The following MAST2 variants were observed in gnomAD, a reference collection of about 807,000 sequenced individuals.
MAST2 encodes microtubule-associated serine/threonine-protein kinase 2.
Under a neutral mutation model 147.4 loss-of-function variants are expected in MAST2, and 70 were observed. That is an observed-to-expected ratio of 0.47 (90% CI 0.39 to 0.58). MAST2 has a LOEUF of 0.58. Among genes scored for constraint, MAST2 ranks in the 20% least tolerant of loss-of-function variants. The pLI, the probability that MAST2 is intolerant of heterozygous loss-of-function variation, is 0.00. For missense variants in MAST2, 2,080 were observed against 2,302.3 expected, an observed-to-expected ratio of 0.90 and a Z score of 1.98; for synonymous variants, 869 against 896.8, an observed-to-expected ratio of 0.97 and a Z score of 0.55.
intron 4 of MAST2, among the ~76,000 whole-genome samples, chr1:45,918,058 C>T (rs1169114287): frequency 6.6e-6 from 1 of 152,192 alleles, no homozygotes; most frequent in South Asian, 2.1e-4. Context: ...TCCCTGTCCT[C>T]AGGGAGCTTA....
chr1:45,901,188 G>T (rs1649703273), intron 4 of MAST2, among the ~76,000 whole-genome samples: 1 of 152,164 alleles, frequency 6.6e-6, no homozygotes, highest in South Asian at 2.1e-4. Flanking sequence ...TATGGTGAGA[G>T]ATAGGGGTCC....
chr1:45,825,934 G>A (rs1428910132), intron 2 of MAST2, among the ~76,000 whole-genome samples: 16 of 151,864 alleles, frequency 1.1e-4, no homozygotes, highest in African/African-American at 3.6e-4. Flanking sequence ...AAGATTAGCC[G>A]GGCATGGTGA....
At position 45,947,306 on chromosome 1, in the gene MAST2, T is replaced by TA. The variant is rs55827908; in HGVS notation, c.501-12055dup. The stretch of plus-strand genomic sequence containing the variant: ...TACACTAATGATAGCTGATGAGCTT[T>TA]AAAAAAAAAAAAAAAAAAAAAAAAA... On this transcript the variant is annotated intron_variant, in intron 4 of 28. Transcript: ENST00000361297. Among the ~76,000 whole-genome samples the TA allele has an allele frequency of 1.8e-3, 204 of 112,650 alleles. 2 individuals carry two copies. The highest frequency in any genetic ancestry group is 5.5e-3 in the African/African-American group (162 of 29,470). 73.9% of individuals were successfully genotyped at this position (112,650 alleles called of 152,430 possible).
At chr1:45,912,919 A>G (rs974451455) in intron 4 of MAST2, among the ~76,000 whole-genome samples, 1 of 152,196 alleles carries the variant, frequency 6.6e-6, no homozygotes, top group African/African-American at 2.4e-5. Flanking sequence ...ACCACAACCT[A>G]TATATTAGGT....
At chr1:46,020,035 C>T (rs966369196) in intron 11 of MAST2, among the ~76,000 whole-genome samples, 1 of 152,220 alleles carries the variant, frequency 6.6e-6, no homozygotes, top group Non-Finnish European at 1.5e-5. Context: ...CAATACTTGA[C>T]TGAGTACCTA....
chr1:45,892,004 G>A (rs1647876273), intron 4 of MAST2, among the ~76,000 whole-genome samples: 1 of 152,120 alleles, frequency 6.6e-6, no homozygotes, highest in Non-Finnish European at 1.5e-5. Context: ...ACCCTGTAAA[G>A]CCAGATACCA....
Position 45,990,012 on chromosome 1 carries a change from G to A in MAST2, c.593-7712G>A, listed in dbSNP as rs987953486. Among the ~76,000 whole-genome samples the A allele has an allele frequency of 2.9e-4, 44 of 152,140 alleles. 1 individual carries two copies. In the Middle Eastern group the frequency reaches 0.01, roughly 35 times the overall value. Reference sequence around the variant, plus strand: ...GACATCTTGGTTGCTTCCAGTTTTGGGCGATCACGAATAAACTTGCTATAC... The same window carrying A: ...GACATCTTGGTTGCTTCCAGTTTTGAGCGATCACGAATAAACTTGCTATAC... On this transcript the variant is annotated intron_variant, in intron 5 of 28. Transcript: ENST00000361297.
intron 3 of MAST2, among the ~76,000 whole-genome samples, chr1:45,853,395 C>T (rs1050539860): frequency 6.6e-6 from 1 of 151,792 alleles, no homozygotes; most frequent in Admixed American, 6.6e-5. Context: ...GTCTCTGTCA[C>T]CTAGGCCATA....
chr1:45,863,477 TGG>T lies in MAST2; in HGVS notation c.469-18886_469-18885del, dbSNP rs551760495. On this transcript the variant is annotated intron_variant, in intron 3 of 28. Transcript: ENST00000361297. ...TAGCTCTCACAATGAAAGACCACAC[TGG>T]TTATGCTAAGGATTAGAAGATTTCT... is the stretch of plus-strand genomic sequence containing the variant. Among the ~76,000 whole-genome samples, 7 of 152,344 alleles carry T rather than the reference TGG, an allele frequency of 4.6e-5. 1 individual carries two copies. In the South Asian group the frequency reaches 1.4e-3, roughly 32 times the overall value.
chr1:45,992,328 T>C (rs1644885649), intron 5 of MAST2, among the ~76,000 whole-genome samples: 1 of 152,208 alleles, frequency 6.6e-6, no homozygotes, highest in African/African-American at 2.4e-5. Flanking sequence ...CTTTAGTATG[T>C]TGATGTGGTA....
At chr1:45,944,433 A>G (rs1457082480) in intron 4 of MAST2, among the ~76,000 whole-genome samples, 1 of 152,112 alleles carries the variant, frequency 6.6e-6, no homozygotes, top group Admixed American at 6.5e-5. Flanking sequence ...ATACAACTTA[A>G]TATTATTTCT....
At chr1:45,908,250 A>C (rs1651100368) in intron 4 of MAST2, among the ~76,000 whole-genome samples, 1 of 152,062 alleles carries the variant, frequency 6.6e-6, no homozygotes, top group Non-Finnish European at 1.5e-5. Context: ...CAGAACGTAC[A>C]GGTTTGTTAC....
chr1:45,965,138 A>G lies in MAST2; in HGVS notation c.592+5661A>G, dbSNP rs191235060. 1.4e-3 allele frequency among the ~76,000 whole-genome samples: 215 copies of G among 152,278 alleles called. 2 individuals carry two copies. The highest frequency in any genetic ancestry group is 0.01 in the Admixed American group (156 of 15,302). The stretch of plus-strand genomic sequence containing the variant: ...TTTGCTGAGGAGTGCTTTACTTCCA[A>G]CTATGTGGTCAATTTTGGAATAGGT... On this transcript the variant is annotated intron_variant, in intron 5 of 28. Coordinates refer to ENST00000361297, the MANE Select transcript of MAST2 (RefSeq NM_015112.3).
intron 5 of MAST2, among the ~76,000 whole-genome samples, chr1:45,979,728 A>C (rs1457963676): frequency 6.6e-6 from 1 of 152,132 alleles, no homozygotes; most frequent in Non-Finnish European, 1.5e-5. Flanking sequence ...CCTGCTCCTC[A>C]GGAGGCTGAG....
intron 1 of MAST2, among the ~76,000 whole-genome samples, chr1:45,811,626 A>G (rs1570165418): frequency 7.3e-6 from 1 of 137,204 alleles, no homozygotes; most frequent in Non-Finnish European, 1.5e-5. Context: ...GGCGTGAGCC[A>G]CCGCACCCGG....
At chr1:45,864,757 A>G (rs1646088820) in intron 3 of MAST2, among the ~76,000 whole-genome samples, 1 of 152,234 alleles carries the variant, frequency 6.6e-6, no homozygotes, top group Non-Finnish European at 1.5e-5. Context: ...CAGCAAAGTC[A>G]GGATATCAAA....
chr1:46,002,674 T>A, intron 6 of MAST2, 131 bp from the exon 7 acceptor site: 1 of 736,434 alleles, frequency 1.4e-6, no homozygotes, highest in Non-Finnish European at 2.5e-6. Flanking sequence ...TGTACTGGAC[T>A]GAGCAGTAAT....
chr1:45,969,508 C>T (rs1417180112), intron 5 of MAST2, among the ~76,000 whole-genome samples: 1 of 152,260 alleles, frequency 6.6e-6, no homozygotes, highest in South Asian at 2.1e-4. Context: ...GCTCTGCCTC[C>T]TGTCAGATCA....
At chr1:45,927,549 T>G (rs1654583353) in intron 4 of MAST2, among the ~76,000 whole-genome samples, 1 of 152,196 alleles carries the variant, frequency 6.6e-6, no homozygotes, top group South Asian at 2.1e-4. Flanking sequence ...AGAAGAGAAA[T>G]ACGGCTCTGT....
Sources: allele counts gnomAD v4.1 joint callset (sites outside exome capture counted in the v4.1 genomes callset), GRCh38; gene constraint gnomAD v4.1.1; transcripts MANE v1.5; gene names NCBI Gene and HGNC (gene_info 2026-07-23, HGNC 2026-07-21).